The following OTOGL variants were observed in gnomAD, a reference collection of about 807,000 sequenced individuals.
The protein encoded by OTOGL is otogelin-like protein.
In OTOGL, 285 loss-of-function variants were observed where a neutral mutation model predicts 318.5. The ratio of observed to expected loss-of-function variants is 0.89; its 90% CI spans 0.81 to 0.99. OTOGL has a LOEUF of 0.99. OTOGL is among the 50% of genes least tolerant of loss of function. OTOGL has a pLI of 0.00. For synonymous variants in OTOGL, 987 were observed against 936.5 expected, an observed-to-expected ratio of 1.05 and a Z score of -0.99; for missense variants, 2,899 against 2,845.6, an observed-to-expected ratio of 1.02 and a Z score of -0.43.
At chr12:80,282,393 T>C (rs1884298478) in intron 26 of OTOGL, among the ~76,000 whole-genome samples, 1 of 151,930 alleles carries the variant, frequency 6.6e-6, no homozygotes, top group Non-Finnish European at 1.5e-5. Context: ...TTCTTGCTTA[T>C]GTTTTACGTC....
intron 26 of OTOGL, among the ~76,000 whole-genome samples, chr12:80,284,822 G>A (rs1371562242): frequency 6.6e-6 from 1 of 152,020 alleles, no homozygotes; most frequent in Non-Finnish European, 1.5e-5. Flanking sequence ...TTCCCATTTG[G>A]TAGGATGCCT....
At chr12:80,340,680 A>G (rs1436457382) in intron 43 of OTOGL, among the ~76,000 whole-genome samples, 1 of 152,102 alleles carries the variant, frequency 6.6e-6, no homozygotes, top group African/African-American at 2.4e-5. Context: ...TACTTCATTA[A>G]AGGGAAATCT....
intron 1 of OTOGL, among the ~76,000 whole-genome samples, chr12:80,193,091 T>C (rs1875811759): frequency 6.6e-6 from 1 of 152,294 alleles, no homozygotes; most frequent in East Asian, 1.9e-4. Flanking sequence ...GTCCCTTCAA[T>C]TGGACAATAT....
chr12:80,350,396 T>C (rs561920656), intron 44 of OTOGL, among the ~76,000 whole-genome samples: 1 of 152,344 alleles, frequency 6.6e-6, no homozygotes, highest in East Asian at 1.9e-4. Flanking sequence ...GACATACTGA[T>C]TTCATTTCCT....
intron 4 of OTOGL, among the ~76,000 whole-genome samples, chr12:80,213,773 T>C (rs1024131770): frequency 2.0e-5 from 3 of 152,216 alleles, no homozygotes; most frequent in Non-Finnish European, 2.9e-5. Context: ...AAATCACTTA[T>C]TTTCTGAACA....
intron 44 of OTOGL, among the ~76,000 whole-genome samples, chr12:80,351,209 G>A (rs1035680737): frequency 6.6e-6 from 1 of 151,970 alleles, no homozygotes; most frequent in Non-Finnish European, 1.5e-5. Context: ...AAATCAGTTG[G>A]CTGGCTGTAA....
intron 43 of OTOGL, among the ~76,000 whole-genome samples, chr12:80,341,405 C>T (rs147459640): frequency 6.6e-6 from 1 of 152,178 alleles, no homozygotes; most frequent in Admixed American, 6.5e-5. Context: ...TTACCTGGAA[C>T]AGTTGCTAAT....
chr12:80,293,595 C>G (rs1300837306), intron 26 of OTOGL, among the ~76,000 whole-genome samples: 1 of 151,988 alleles, frequency 6.6e-6, no homozygotes. Flanking sequence ...ACTTTCTTTT[C>G]TCTGTCTTTT....
chr12:80,155,711 T>G (rs1873071059), intron 1 of OTOGL, among the ~76,000 whole-genome samples: 2 of 152,238 alleles, frequency 1.3e-5, no homozygotes, highest in Non-Finnish European at 2.9e-5. Flanking sequence ...CTAGGTGTTA[T>G]TTATTCTTTC....
chr12:80,119,246 C>A (rs1460253585), intron 1 of OTOGL, among the ~76,000 whole-genome samples: 2 of 152,184 alleles, frequency 1.3e-5, no homozygotes, highest in Non-Finnish European at 2.9e-5. Flanking sequence ...GAATGCAAGA[C>A]TCTCTCTTGA....
At chr12:80,117,766 C>A (rs995997715) in intron 1 of OTOGL, among the ~76,000 whole-genome samples, 18 of 152,192 alleles carry the variant, frequency 1.2e-4, no homozygotes, top group African/African-American at 4.3e-4. Context: ...TACCTAATTG[C>A]AGCCAAACTG....
At chr12:80,261,892 C>A in intron 18 of OTOGL, 77 bp from the exon 19 acceptor site, 1 of 1,465,738 alleles carries the variant, frequency 6.8e-7, no homozygotes, top group Non-Finnish European at 9.2e-7. Flanking sequence ...AAATAGTATT[C>A]TCTTATTTAA....
intron 7 of OTOGL, among the ~76,000 whole-genome samples, chr12:80,226,118 T>C (rs1487430341): frequency 1.3e-5 from 2 of 150,604 alleles, no homozygotes; most frequent in African/African-American, 4.9e-5. Context: ...GCCTTATTCC[T>C]TCACTTCCTG....
intron 1 of OTOGL, among the ~76,000 whole-genome samples, chr12:80,170,418 T>C (rs1403246670): frequency 6.6e-6 from 1 of 152,060 alleles, no homozygotes; most frequent in Non-Finnish European, 1.5e-5. Context: ...ACTCATAGTT[T>C]GTTGGTTTTT....
chr12:80,122,196 T>C (rs931117157), intron 1 of OTOGL, among the ~76,000 whole-genome samples: 9 of 152,146 alleles, frequency 5.9e-5, no homozygotes, highest in Non-Finnish European at 1.0e-4. Context: ...AGAATTAATA[T>C]ACATATATAC....
intron 1 of OTOGL, among the ~76,000 whole-genome samples, chr12:80,115,285 T>C (rs1313497233): frequency 1.3e-5 from 2 of 152,064 alleles, no homozygotes; most frequent in Non-Finnish European, 2.9e-5. Flanking sequence ...TTTTGTGTGG[T>C]CTTCCTTTTT....
chr12:80,356,383 C>A, intron 47 of OTOGL, 33 bp from the exon 48 acceptor site: 1 of 1,528,010 alleles, frequency 6.5e-7, no homozygotes, highest in South Asian at 1.2e-5. Flanking sequence ...TAGTTGTGTT[C>A]ACTAATATTT....
At chr12:80,162,861 G>A (rs1157387495) in intron 1 of OTOGL, among the ~76,000 whole-genome samples, 1 of 151,918 alleles carries the variant, frequency 6.6e-6, no homozygotes, top group Non-Finnish European at 1.5e-5. Flanking sequence ...ATCATTATAG[G>A]TGTGTTCATA....
At chr12:80,340,438 CTG>C (rs1888691485) in intron 43 of OTOGL, among the ~76,000 whole-genome samples, 1 of 152,052 alleles carries the variant, frequency 6.6e-6, no homozygotes, top group Non-Finnish European at 1.5e-5. Flanking sequence ...TGAGTAATAA[CTG>C]AGACTGGAAA....
Sources: allele counts gnomAD v4.1 joint callset (sites outside exome capture counted in the v4.1 genomes callset), GRCh38; gene constraint gnomAD v4.1.1; transcripts MANE v1.5; gene names NCBI Gene and HGNC (gene_info 2026-07-23, HGNC 2026-07-21).